The following DDX31 variants were observed in gnomAD, a reference collection of about 807,000 sequenced individuals.
DDX31 encodes ATP-dependent DNA helicase DDX31.
A neutral mutation model predicts 91.3 loss-of-function variants in DDX31; 70 were observed. The ratio of observed to expected loss-of-function variants is 0.77; its 90% CI spans 0.63 to 0.94. DDX31 has a LOEUF of 0.94. DDX31 is among the 40% of genes least tolerant of loss of function. The pLI, the probability that DDX31 is intolerant of heterozygous loss-of-function variation, is 0.00. For missense variants in DDX31, 902 were observed against 925.0 expected (o/e 0.98, Z 0.32); for synonymous variants, 362 against 350.6 (o/e 1.03, Z -0.36).
intron 1 of DDX31, among the ~76,000 whole-genome samples, chr9:132,665,641 G>A (rs1004275426): frequency 5.3e-5 from 8 of 152,116 alleles, no homozygotes; most frequent in Non-Finnish European, 8.8e-5. Context: ...TAAAAAATTC[G>A]TTTGAGTCTC....
intron 19 of DDX31, among the ~76,000 whole-genome samples, chr9:132,608,221 T>A (rs1425710699): frequency 6.6e-6 from 1 of 152,218 alleles, no homozygotes; most frequent in Non-Finnish European, 1.5e-5. Flanking sequence ...TATATGTCTA[T>A]GTCGGTGTTT....
intron 9 of DDX31, 125 bp downstream of exon 9, chr9:132,650,109 G>A (rs1300710266): frequency 4.5e-6 from 4 of 890,800 alleles, no homozygotes; most frequent in Admixed American, 1.9e-5. Context: ...CTGTCCCTGT[G>A]CACCGGGACT....
intron 1 of DDX31, chr9:132,663,395 A>AGTCCCCGAGTCTCTGC (rs1835110354): frequency 1.0e-6 from 1 of 985,222 alleles, no homozygotes; most frequent in Non-Finnish European, 1.2e-6. Flanking sequence ...CGAGTCTCTG[A>AGTCCCCGAGTCTCTGC]GTCCCCGAGT....
chr9:132,652,651 C>T (rs902142576), intron 6 of DDX31, among the ~76,000 whole-genome samples, 159 bp from the exon 7 acceptor site: 18 of 152,194 alleles, frequency 1.2e-4, no homozygotes, highest in African/African-American at 4.1e-4. Context: ...GGCTGTGCCC[C>T]CACCCAAATT....
intron 19 of DDX31, among the ~76,000 whole-genome samples, chr9:132,611,363 G>A (rs1050325237): frequency 3.9e-5 from 6 of 152,128 alleles, no homozygotes; most frequent in African/African-American, 1.2e-4. Flanking sequence ...AGGGCCTCAC[G>A]CGCTCTGGCT....
At chr9:132,597,554 A>G (rs1830503342) in intron 19 of DDX31, among the ~76,000 whole-genome samples, 1 of 152,240 alleles carries the variant, frequency 6.6e-6, no homozygotes, top group African/African-American at 2.4e-5. Context: ...CAGCACTTCA[A>G]CGATGGCTCC....
chr9:132,661,502 G>A (rs1490424935), intron 3 of DDX31, among the ~76,000 whole-genome samples: 1 of 152,054 alleles, frequency 6.6e-6, no homozygotes, highest in East Asian at 1.9e-4. Flanking sequence ...GCATCTAGTG[G>A]GTAGAGGCCT....
At chr9:132,638,609 T>C (rs1183785282) in intron 14 of DDX31, among the ~76,000 whole-genome samples, 10 of 152,200 alleles carry the variant, frequency 6.6e-5, no homozygotes, top group Admixed American at 6.5e-4. Flanking sequence ...CCAGCTATGC[T>C]CTGCCTAGAC....
chr9:132,639,641 A>G (rs1163016056), intron 14 of DDX31, among the ~76,000 whole-genome samples: 1 of 152,244 alleles, frequency 6.6e-6, no homozygotes, highest in Admixed American at 6.5e-5. Flanking sequence ...TATTTCAGAA[A>G]GAATAATCTT....
Position 132,612,262 on chromosome 9 carries a change from G to A in DDX31, c.1826-7C>T. Reference sequence around the variant, plus strand: ...TGGATGAAGGACTGCAGAGCTGAAAGAAAAGAGAGCGGGGAGGGAAGCTGT... The same window carrying A: ...TGGATGAAGGACTGCAGAGCTGAAAAAAAAGAGAGCGGGGAGGGAAGCTGT... On this transcript the variant is annotated splice_region_variant and splice_polypyrimidine_tract_variant and intron_variant, in intron 18 of 19. Coordinates refer to ENST00000372159, the MANE Select transcript of DDX31 (RefSeq NM_022779.9). The A allele has an allele frequency of 1.2e-6, 2 of 1,614,170 alleles. No individual in the cohort carries two copies. Among genetic ancestry groups the A allele is most frequent in the Non-Finnish European group, 1.7e-6 (2 of 1,180,010 alleles).
intron 6 of DDX31, chr9:132,658,284 C>T (rs1431794033): frequency 1.4e-6 from 1 of 703,100 alleles, no homozygotes; most frequent in African/African-American, 1.7e-5. Flanking sequence ...TCCTCCATTA[C>T]TTGCTGCATG....
chr9:132,598,486 C>T (rs960949636), intron 19 of DDX31, among the ~76,000 whole-genome samples: 1 of 152,186 alleles, frequency 6.6e-6, no homozygotes, highest in South Asian at 2.1e-4. Context: ...AATAAACCCC[C>T]CCTCAGTTAC....
chr9:132,652,358 G>C, intron 7 of DDX31, 90 bp downstream of exon 7: 6 of 1,481,386 alleles, frequency 4.1e-6, no homozygotes, highest in Non-Finnish European at 4.6e-6. Context: ...TTGTGCAGTA[G>C]GGAGAAACAT....
At chr9:132,657,821 A>G (rs973292482) in intron 6 of DDX31, among the ~76,000 whole-genome samples, 1 of 152,188 alleles carries the variant, frequency 6.6e-6, no homozygotes, top group Non-Finnish European at 1.5e-5. Context: ...CTGGCCTCCT[A>G]GGGAACTCAA....
chr9:132,633,227 C>T (rs1228573124), intron 14 of DDX31, among the ~76,000 whole-genome samples: 1 of 152,178 alleles, frequency 6.6e-6, no homozygotes, highest in Admixed American at 6.5e-5. Flanking sequence ...TATTATACCG[C>T]ATTCCACCAT....
At chr9:132,650,342 A>G in intron 8 of DDX31, 44 bp from the exon 9 acceptor site, 1 of 1,575,380 alleles carries the variant, frequency 6.3e-7, no homozygotes, top group East Asian at 2.2e-5. Flanking sequence ...AGCCCCCTTT[A>G]CTAACATCAG....
intron 13 of DDX31, among the ~76,000 whole-genome samples, chr9:132,644,847 C>T (rs765589231): frequency 5.3e-5 from 8 of 152,142 alleles, no homozygotes; most frequent in Admixed American, 3.3e-4. Context: ...TTACCTAATG[C>T]GCAAGGGCTG....
chr9:132,594,478 T>C lies in DDX31; in HGVS notation c.*388A>G. ...GCGCTGATAGGCTGAAGCCAAGCTG[T>C]GAAACTTCAGAACACAGTTAAGGGC... On this transcript the variant is annotated 3_prime_UTR_variant, in exon 20 of 20. Transcript: ENST00000372159. 5.6e-6 allele frequency: 1 copy of C among 179,644 alleles called. No individual in the cohort carries two copies. The highest frequency in any genetic ancestry group is 1.2e-5 in the Non-Finnish European group (1 of 84,526). The allele number at this position is 179,644 out of a possible 1,614,324, so 11.1% of individuals were successfully genotyped here. A position where few individuals can be genotyped will look rare whatever the true frequency, so the allele number is the denominator to read the frequency against.
chr9:132,602,881 T>A (rs1184722641), intron 19 of DDX31, among the ~76,000 whole-genome samples: 1 of 152,244 alleles, frequency 6.6e-6, no homozygotes, highest in Non-Finnish European at 1.5e-5. Context: ...CGAGTAGTTA[T>A]CTCCTTGTGT....
Sources: gnomAD v4.1 joint callset for allele counts (sites outside exome capture counted in the v4.1 genomes callset) on GRCh38, gnomAD v4.1.1 for gene constraint, MANE v1.5 for transcripts, NCBI Gene and HGNC (gene_info 2026-07-23, HGNC 2026-07-21) for gene names.